NFIC: variants seen among roughly 807,000 people sequenced by gnomAD.
NFIC encodes nuclear factor I C, also known as nuclear factor 1 C-type.
In NFIC, 12 loss-of-function variants were observed where a neutral mutation model predicts 54.4. The observed-to-expected ratio is 0.22, with a 90% confidence interval of 0.14 to 0.36. The LOEUF (loss-of-function observed/expected upper bound fraction) is 0.36, where lower values mean the gene tolerates loss of function less well. NFIC is among the 10% of genes least tolerant of loss of function. NFIC has a pLI of 1.00. For synonymous variants in NFIC, 322 were observed against 319.2 expected, an observed-to-expected ratio of 1.01 and a Z score of -0.09; for missense variants, 575 against 718.2, an observed-to-expected ratio of 0.80 and a Z score of 2.28.
At chr19:3,361,905 C>T (rs1312870718), upstream of NFIC, among the ~76,000 whole-genome samples, 2 of 152,196 alleles carry the variant, frequency 1.3e-5, no homozygotes, top group Non-Finnish European at 2.9e-5. Context: ...ACTCTGCACA[C>T]ACAACCACAC....
intron 6 of NFIC, among the ~76,000 whole-genome samples, chr19:3,441,872 C>T (rs2082298999): frequency 6.6e-6 from 1 of 152,206 alleles, no homozygotes; most frequent in African/African-American, 2.4e-5. Context: ...GCTCCTCCTC[C>T]TCCTCGGCAT....
chr19:3,450,483 T>C (rs1319571191), intron 7 of NFIC, among the ~76,000 whole-genome samples: 1 of 151,852 alleles, frequency 6.6e-6, no homozygotes, highest in Admixed American at 6.6e-5. Context: ...TGGTGAAATC[T>C]CGTTTCTACT....
intron 2 of NFIC, among the ~76,000 whole-genome samples, chr19:3,406,314 G>A (rs959534369): frequency 1.6e-5 from 2 of 125,984 alleles, no homozygotes; most frequent in African/African-American, 3.1e-5. Context: ...GGCTGGTCTC[G>A]AACTTCTGAC....
At chr19:3,454,926 A>G (rs371480099) in intron 9 of NFIC, among the ~76,000 whole-genome samples, 6 of 152,214 alleles carry the variant, frequency 3.9e-5, no homozygotes, top group African/African-American at 1.4e-4. Flanking sequence ...GGAGGAGATC[A>G]GCCCCAAATC....
At chr19:3,386,194 C>T (rs896351069) in intron 2 of NFIC, among the ~76,000 whole-genome samples, 2 of 151,976 alleles carry the variant, frequency 1.3e-5, no homozygotes, top group Non-Finnish European at 2.9e-5. Flanking sequence ...CGAGACCAGC[C>T]TGGGCAAAAT....
rs1413672270 is a variant in NFIC at position 3,458,479 on chromosome 19, CTG to C, written c.1509+1847_1509+1848del. ...CAGGGCCCGGGACCCTTCTCTCAGA[CTG>C]TGCTGGCTCCAGCCCCACCCCACCC... On this transcript the variant is annotated intron_variant, in intron 10 of 10. Coordinates refer to ENST00000443272, the MANE Select transcript of NFIC (RefSeq NM_001245002.2). The surrounding 1 kb of genome is among the most constrained non-coding windows in gnomAD (Gnocchi z 4.1). Among the ~76,000 whole-genome samples the C allele has an allele frequency of 6.6e-6, 1 of 152,200 alleles. No individual in the cohort carries two copies. The highest frequency in any genetic ancestry group is 1.5e-5 in the Non-Finnish European group (1 of 68,032).
At chr19:3,434,526 A>C in intron 5 of NFIC, 126 bp downstream of exon 5, 5 of 1,348,444 alleles carry the variant, frequency 3.7e-6, no homozygotes, top group African/African-American at 1.5e-5. Context: ...GGCCTGAGAA[A>C]CTCCTACTCA....
intron 2 of NFIC, among the ~76,000 whole-genome samples, chr19:3,384,461 T>C (rs2081261937): frequency 6.6e-6 from 1 of 151,868 alleles, no homozygotes; most frequent in Non-Finnish European, 1.5e-5. Context: ...CAATCTCGGC[T>C]CACTGCAATC....
intron 2 of NFIC, among the ~76,000 whole-genome samples, chr19:3,388,835 C>CG (rs1555743293): frequency 1.3e-5 from 1 of 77,204 alleles, no homozygotes; most frequent in Non-Finnish European, 2.2e-5. Flanking sequence ...CTCTAAAAAC[C>CG]GTTTTTTTTA....
intron 2 of NFIC, among the ~76,000 whole-genome samples, chr19:3,399,260 G>T (rs149592523): frequency 1.3e-5 from 2 of 152,350 alleles, no homozygotes; most frequent in East Asian, 3.9e-4. Flanking sequence ...GTTGCTGAGG[G>T]AGAGTCAATA....
rs539719031 is a variant in NFIC, at chr19:3,369,518, G to A, written c.30+2852G>A. On this transcript the variant is annotated intron_variant, in intron 1 of 10. Coordinates refer to ENST00000443272, the MANE Select transcript of NFIC (RefSeq NM_001245002.2). This position sits in a 1 kb window ranked among gnomAD's most constrained non-coding sequence, Gnocchi z 4.3. The stretch of plus-strand genomic sequence containing the variant: ...TCTCGGGAGCCGAGGCTGGCGGGGG[G>A]TGGGGGGCATCTCGGTGCCAGCCCG... Among the ~76,000 whole-genome samples, 58 of 152,228 alleles carry A rather than the reference G, an allele frequency of 3.8e-4. No homozygotes were observed. Among genetic ancestry groups the A allele is most frequent in the Non-Finnish European group, 5.3e-4 (36 of 67,996 alleles).
rs2082726401 is a variant in NFIC, at chr19:3,467,126, A to C, written c.*4357A>C. On this transcript the variant is annotated 3_prime_UTR_variant, in exon 11 of 11. Transcript: ENST00000443272. ...TGTTTTTGTTTTTTTAACATGTATG[A>C]AACTGACATCTTCTCAAATCTTGTT... 1 of 148,868 alleles carries C rather than the reference A, an allele frequency of 6.7e-6. No individual in the cohort carries two copies. Among genetic ancestry groups the C allele is most frequent in the African/African-American group, 2.6e-5 (1 of 38,798 alleles). The allele number at this position is 148,868 out of a possible 1,614,324, so 9.2% of individuals were successfully genotyped here.
At chr19:3,399,225 T>G (rs1297587985) in intron 2 of NFIC, among the ~76,000 whole-genome samples, 1 of 152,170 alleles carries the variant, frequency 6.6e-6, no homozygotes, top group African/African-American at 2.4e-5. Context: ...TTTCCCCATC[T>G]ATAAAATAGC....
rs1312779684 is a variant in NFIC at position 3,452,208 on chromosome 19, C to T, written c.1085-274C>T. ...ATCGCTTGAGCCCAGGAGTTCGAGA[C>T]CTGCCTGGGCAACATAGCAAGACCC... On this transcript the variant is annotated intron_variant, in intron 7 of 10. Coordinates refer to ENST00000443272, the MANE Select transcript of NFIC (RefSeq NM_001245002.2). The surrounding 1 kb of genome is among the most constrained non-coding windows in gnomAD (Gnocchi z 5.3). 6.6e-6 allele frequency among the ~76,000 whole-genome samples: 1 copy of T among 151,862 alleles called. No homozygotes were observed. Among genetic ancestry groups the T allele is most frequent in the East Asian group, 1.9e-4 (1 of 5,188 alleles).
rs1460217208 is a variant in NFIC at position 3,453,857 on chromosome 19, C to A, written c.1364C>A (p.Pro455His). Residue 455 changes from proline (P) to histidine (H), a missense_variant, in exon 9 of 11, where the codon CCC becomes CAC. Transcript: ENST00000443272. This position sits in a 1 kb window ranked among gnomAD's most constrained non-coding sequence, Gnocchi z 6.7. Reference protein sequence around the residue: ...PPPGLPRLALPPATKPATTSE... With the variant: ...PPPGLPRLALHPATKPATTSE... ...CCGGGGCTGCCACGGCTGGCGCTCC[C>A]CCCTGCCACCAAACCCGCCACCACC... 1.3e-6 allele frequency: 2 copies of A among 1,570,564 alleles called. No individual in the cohort carries two copies. The highest frequency in any genetic ancestry group is 4.8e-5 in the East Asian group (2 of 41,692).
rs562035739 is a variant in NFIC at position 3,370,014 on chromosome 19, A to G, written c.30+3348A>G. On this transcript the variant is annotated intron_variant, in intron 1 of 10. Coordinates refer to ENST00000443272, the MANE Select transcript of NFIC (RefSeq NM_001245002.2). The surrounding 1 kb of genome is among the most constrained non-coding windows in gnomAD (Gnocchi z 5.2). Reference sequence around the variant, plus strand: ...ACCCCCGACCTTTGTTGGATTTTCTAGATCTTCCTTAAGCATCTCCTGGGC... The same window carrying G: ...ACCCCCGACCTTTGTTGGATTTTCTGGATCTTCCTTAAGCATCTCCTGGGC... Among the ~76,000 whole-genome samples, 2 of 152,082 alleles carry G rather than the reference A, an allele frequency of 1.3e-5. No homozygotes were observed. Among genetic ancestry groups the G allele is most frequent in the African/African-American group, 4.8e-5 (2 of 41,510 alleles).
At position 3,455,636 on chromosome 19, in the gene NFIC, C is replaced by T. The variant is rs1327700032; in HGVS notation, c.1424-914C>T. Among the ~76,000 whole-genome samples the T allele has an allele frequency of 4.0e-5, 6 of 149,994 alleles. No homozygotes were observed. In the South Asian group the frequency reaches 6.3e-4, roughly 16 times the overall value. On this transcript the variant is annotated intron_variant, in intron 9 of 10. Transcript: ENST00000443272. The stretch of plus-strand genomic sequence containing the variant: ...CCACTCAGGGCTCGATGAGATTATG[C>T]CCAGAGCCTGGTTTACAGTAGACAC...
At chr19:3,434,143 A>G in intron 4 of NFIC, 134 bp from the exon 5 acceptor site, 1 of 1,366,498 alleles carries the variant, frequency 7.3e-7, no homozygotes, top group Admixed American at 2.4e-5. Context: ...GGTTTCAGCC[A>G]CCCTAGGAAC....
intron 2 of NFIC, among the ~76,000 whole-genome samples, chr19:3,391,754 A>C (rs1047459178): frequency 2.0e-5 from 3 of 152,090 alleles, no homozygotes; most frequent in African/African-American, 4.8e-5. Context: ...CTGAGATTGC[A>C]CCACTGCCCT....
Sources: allele counts gnomAD v4.1 joint callset (sites outside exome capture counted in the v4.1 genomes callset), GRCh38; gene constraint gnomAD v4.1.1; non-coding constraint Gnocchi (gnomAD v3.1); transcripts MANE v1.5; gene names NCBI Gene and HGNC (gene_info 2026-07-23, HGNC 2026-07-21).